EML1: variants seen among roughly 807,000 people sequenced by gnomAD.
The protein encoded by EML1 is echinoderm microtubule-associated protein-like 1.
A neutral mutation model predicts 110.4 loss-of-function variants in EML1; 27 were observed. The ratio of observed to expected loss-of-function variants is 0.24; its 90% CI spans 0.18 to 0.34. The LOEUF is 0.34. Among genes scored for constraint, EML1 ranks in the 10% least tolerant of loss-of-function variants. The pLI, the probability that EML1 is intolerant of heterozygous loss-of-function variation, is 1.00. For missense variants in EML1, 741 were observed against 1,030.9 expected, an observed-to-expected ratio of 0.72 and a Z score of 3.85; for synonymous variants, 344 against 385.8, an observed-to-expected ratio of 0.89 and a Z score of 1.27.
chr14:99,857,923 G>A (rs1219489690), intron 2 of EML1, among the ~76,000 whole-genome samples: 1 of 152,012 alleles, frequency 6.6e-6, no homozygotes, highest in Non-Finnish European at 1.5e-5. Flanking sequence ...CAGGATTCTT[G>A]CACTCCTAGA....
intron 1 of EML1, among the ~76,000 whole-genome samples, chr14:99,831,565 G>T (rs1456249679): frequency 6.6e-6 from 1 of 152,176 alleles, no homozygotes; most frequent in Non-Finnish European, 1.5e-5. Flanking sequence ...ATACACTTCT[G>T]TGCTGGCTGC....
intron 9 of EML1, among the ~76,000 whole-genome samples, chr14:99,904,528 C>T (rs1433817903): frequency 6.7e-6 from 1 of 148,226 alleles, no homozygotes; most frequent in Non-Finnish European, 1.5e-5. Context: ...ACTTTTCTTA[C>T]AAAATATTTG....
chr14:99,802,565 A>AGG (rs1215203520), intron 1 of EML1, among the ~76,000 whole-genome samples: 1 of 151,998 alleles, frequency 6.6e-6, no homozygotes. Flanking sequence ...GAGTGGGGAG[A>AGG]GGGCAGAATC....
chr14:99,936,589 C>A lies in EML1; in HGVS notation c.2095+255C>A, dbSNP rs2060475795. Among the ~76,000 whole-genome samples, 1 of 152,124 alleles carries A rather than the reference C, an allele frequency of 6.6e-6. No homozygotes were observed. Among genetic ancestry groups the A allele is most frequent in the South Asian group, 2.1e-4 (1 of 4,824 alleles). On this transcript the variant is annotated intron_variant, in intron 19 of 21. Coordinates refer to ENST00000262233, the MANE Select transcript of EML1 (RefSeq NM_004434.3). The surrounding 1 kb of genome is among the most constrained non-coding windows in gnomAD (Gnocchi z 5.5). ...TGCCCCAAGGGGAAGAAGGCCAAGC[C>A]CTGCAGAGGGGGGCTTGGGGCAGGC... is the stretch of plus-strand genomic sequence containing the variant.
At chr14:99,768,433 T>C (rs2057388993), upstream of EML1, among the ~76,000 whole-genome samples, 1 of 151,734 alleles carries the variant, frequency 6.6e-6, no homozygotes, top group African/African-American at 2.4e-5. Flanking sequence ...AGGAAGAGGG[T>C]CCAAAATGGC....
chr14:99,742,940 G>A (rs1000931885), intron 1 of EML1, among the ~76,000 whole-genome samples: 1 of 152,120 alleles, frequency 6.6e-6, no homozygotes, highest in Non-Finnish European at 1.5e-5. Flanking sequence ...CAAGTGTGCC[G>A]GGCACCTGTG....
At chr14:99,842,903 T>C (rs1398958184) in intron 1 of EML1, among the ~76,000 whole-genome samples, 2 of 152,196 alleles carry the variant, frequency 1.3e-5, no homozygotes, top group East Asian at 3.8e-4. Flanking sequence ...AGTGAGCGTG[T>C]GTGCCTTCTC....
intron 4 of EML1, among the ~76,000 whole-genome samples, chr14:99,887,656 A>T (rs1318095401): frequency 6.6e-6 from 1 of 152,118 alleles, no homozygotes; most frequent in Non-Finnish European, 1.5e-5. Context: ...GAATTACGTA[A>T]CACCTTGAGA....
intron 1 of EML1, among the ~76,000 whole-genome samples, chr14:99,742,821 C>T (rs1026099612): frequency 6.6e-6 from 1 of 152,132 alleles, no homozygotes; most frequent in African/African-American, 2.4e-5. Flanking sequence ...ACCATAAGCT[C>T]AGGGGTGTCA....
intron 16 of EML1, among the ~76,000 whole-genome samples, chr14:99,919,876 G>A (rs1041681885): frequency 1.3e-5 from 2 of 152,290 alleles, no homozygotes; most frequent in African/African-American, 4.8e-5. Context: ...CCTGGCTAGG[G>A]GGGCTCCTGT....
At chr14:99,813,059 C>T (rs139249842) in intron 1 of EML1, among the ~76,000 whole-genome samples, 26 of 152,246 alleles carry the variant, frequency 1.7e-4, no homozygotes, top group Middle Eastern at 3.4e-3. Flanking sequence ...ATGTAGTACT[C>T]TGTTTGGCCC....
At chr14:99,880,565 T>C (rs1023286277) in intron 4 of EML1, among the ~76,000 whole-genome samples, 1 of 152,178 alleles carries the variant, frequency 6.6e-6, no homozygotes, top group African/African-American at 2.4e-5. Context: ...TAAACATTAC[T>C]GCGTTCAGTG....
At chr14:99,863,346 T>C (rs1320754837) in intron 2 of EML1, among the ~76,000 whole-genome samples, 1 of 152,244 alleles carries the variant, frequency 6.6e-6, no homozygotes, top group Admixed American at 6.5e-5. Context: ...CATTCCATCA[T>C]GGGGTTTCCC....
intron 1 of EML1, among the ~76,000 whole-genome samples, chr14:99,757,446 C>T (rs748934868): frequency 5.9e-5 from 9 of 152,204 alleles, no homozygotes; most frequent in Non-Finnish European, 1.3e-4. Flanking sequence ...TACAGTCGCG[C>T]ATACCGCTTG....
intron 1 of EML1, among the ~76,000 whole-genome samples, chr14:99,746,683 C>T (rs2057112694): frequency 6.6e-6 from 1 of 152,124 alleles, no homozygotes; most frequent in African/African-American, 2.4e-5. Flanking sequence ...GGCTCAGTCG[C>T]ACCCCACGCC....
intron 15 of EML1, among the ~76,000 whole-genome samples, chr14:99,916,491 A>G (rs2060036130): frequency 6.6e-6 from 1 of 151,990 alleles, no homozygotes; most frequent in Non-Finnish European, 1.5e-5. Flanking sequence ...TTTCTTCCTG[A>G]TCTTCCTTAA....
At chr14:99,818,977 A>T (rs1339403496) in intron 1 of EML1, among the ~76,000 whole-genome samples, 1 of 152,190 alleles carries the variant, frequency 6.6e-6, no homozygotes, top group Non-Finnish European at 1.5e-5. Flanking sequence ...TTTTAGAGAC[A>T]GGGTCTCGCT....
intron 1 of EML1, among the ~76,000 whole-genome samples, chr14:99,830,307 A>G (rs1395838454): frequency 5.9e-5 from 9 of 152,102 alleles, no homozygotes; most frequent in East Asian, 1.9e-4. Context: ...AGAAACATCT[A>G]TTTAAGGTCT....
intron 4 of EML1, among the ~76,000 whole-genome samples, chr14:99,889,976 C>T (rs573626468): frequency 1.5e-4 from 23 of 152,276 alleles, no homozygotes; most frequent in African/African-American, 5.5e-4. Context: ...CCATGTGCTG[C>T]AGGAAATTAT....
Sources: allele counts gnomAD v4.1 joint callset (sites outside exome capture counted in the v4.1 genomes callset), GRCh38; gene constraint gnomAD v4.1.1; non-coding constraint Gnocchi (gnomAD v3.1); transcripts MANE v1.5; gene names NCBI Gene and HGNC (gene_info 2026-07-23, HGNC 2026-07-21).